Variants in SPPL2B observed in about 807,000 individuals in gnomAD.
SPPL2B encodes the protein signal peptide peptidase like 2B.
Under a neutral mutation model 59.7 loss-of-function variants are expected in SPPL2B, and 39 were observed. The observed-to-expected ratio is 0.65, with a 90% CI of 0.51 to 0.85. The LOEUF (loss-of-function observed/expected upper bound fraction) is 0.85, where lower values mean the gene tolerates loss of function less well. SPPL2B is among the 40% of genes least tolerant of loss of function. The probability of loss-of-function intolerance (pLI) is 0.00; values close to 1 mark genes in which losing one functional copy is unlikely to be tolerated. For missense variants in SPPL2B, 865 were observed against 849.0 expected, an observed-to-expected ratio of 1.02 and a Z score of -0.23; for synonymous variants, 419 against 370.8, an observed-to-expected ratio of 1.13 and a Z score of -1.49.
At position 2,336,145 on chromosome 19, in the gene SPPL2B, CCTG is replaced by C. The variant is rs566060784; in HGVS notation, c.187-1297_187-1295del. Among the ~76,000 whole-genome samples, 430 of 152,110 alleles carry C rather than the reference CCTG, an allele frequency of 2.8e-3. 1 individual carries two copies. The highest frequency in any genetic ancestry group is 4.4e-3 in the South Asian group (21 of 4,824). On this transcript the variant is annotated intron_variant, in intron 2 of 14. Coordinates refer to ENST00000613503, the MANE Select transcript of SPPL2B (RefSeq NM_152988.3). ...TAGTGCGTGTTTGTGTGTCAGCACA[CCTG>C]TGTGTGTGAGCATGTGTGTAATAGG...
intron 1 of SPPL2B, among the ~76,000 whole-genome samples, chr19:2,333,480 G>A (rs1220119834): frequency 6.6e-6 from 1 of 152,198 alleles, no homozygotes; most frequent in Non-Finnish European, 1.5e-5. Flanking sequence ...TGTGGAATCC[G>A]TCTTTCCTCA....
chr19:2,350,493 G>C (rs1050179548), intron 13 of SPPL2B, among the ~76,000 whole-genome samples: 2 of 151,300 alleles, frequency 1.3e-5, no homozygotes, highest in African/African-American at 4.9e-5. Context: ...TCATTCGCTT[G>C]ATTCCATTCT....
At chr19:2,329,086 C>T (rs1968146103) in intron 1 of SPPL2B, among the ~76,000 whole-genome samples, 1 of 152,252 alleles carries the variant, frequency 6.6e-6, no homozygotes, top group South Asian at 2.1e-4. Flanking sequence ...CTCCAGTTGC[C>T]GCCGGGGACG....
intron 6 of SPPL2B, 41 bp downstream of exon 6, chr19:2,340,007 A>C (rs1425772662): frequency 2.6e-6 from 4 of 1,553,934 alleles, no homozygotes; most frequent in Admixed American, 2.0e-5. Flanking sequence ...GTGGAGATGC[A>C]GCCCGCCCCG....
At chr19:2,331,799 C>T (rs775870480) in intron 1 of SPPL2B, among the ~76,000 whole-genome samples, 2 of 152,198 alleles carry the variant, frequency 1.3e-5, no homozygotes, top group Non-Finnish European at 2.9e-5. Context: ...CTGTGGCCCA[C>T]GTGGCCTCTG....
In SPPL2B at chr19:2,328,684, G is replaced by A. The variant is rs1484047036; in HGVS notation, c.-26G>A. Reference sequence around the variant, plus strand: ...GGGGCGTTGCTGGGAAACATCTGCCGTTGGTTGCGGCGGGCACCGGCCGAC... The same window carrying A: ...GGGGCGTTGCTGGGAAACATCTGCCATTGGTTGCGGCGGGCACCGGCCGAC... On this transcript the variant is annotated 5_prime_UTR_variant, in exon 1 of 15. Coordinates refer to ENST00000613503, the MANE Select transcript of SPPL2B (RefSeq NM_152988.3). The A allele has an allele frequency of 2.1e-6, 3 of 1,449,228 alleles. No individual in the cohort carries two copies. Among genetic ancestry groups the A allele is most frequent in the Non-Finnish European group, 1.8e-6 (2 of 1,109,856 alleles). The allele number at this position is 1,449,228 out of a possible 1,614,324, so 89.8% of individuals were successfully genotyped here.
chr19:2,352,419 A>G (rs1470723593), intron 14 of SPPL2B, among the ~76,000 whole-genome samples: 1 of 152,126 alleles, frequency 6.6e-6, no homozygotes, highest in African/African-American at 2.4e-5. Context: ...CTGGCCGCGC[A>G]TGGGGTCCTA....
chr19:2,334,179 G>A (rs754743156), intron 1 of SPPL2B, among the ~76,000 whole-genome samples: 3 of 152,304 alleles, frequency 2.0e-5, no homozygotes, highest in South Asian at 2.1e-4. Context: ...CAGGCCTCCC[G>A]CCCAGGCTGG....
At position 2,351,558 on chromosome 19, in the gene SPPL2B, G is replaced by A; in HGVS notation, c.1479G>A (p.Arg493=). Residue 493 remains arginine, a synonymous_variant, in exon 14 of 15, where the codon CGG becomes CGA. Coordinates refer to ENST00000613503, the MANE Select transcript of SPPL2B (RefSeq NM_152988.3). ...VTSCAVALWR[R]ELGVFWTGSG... Reference sequence around the variant, plus strand: ...GCTGCGCTGTGGCGCTCTGGCGCCGGGAGCTGGGCGTGTTCTGGACGGGCA... The same window carrying A: ...GCTGCGCTGTGGCGCTCTGGCGCCGAGAGCTGGGCGTGTTCTGGACGGGCA... 1 of 1,611,380 alleles carries A rather than the reference G, an allele frequency of 6.2e-7. No individual in the cohort carries two copies.
chr19:2,348,607 C>G (rs1401706222), intron 13 of SPPL2B, among the ~76,000 whole-genome samples: 3 of 145,540 alleles, frequency 2.1e-5, no homozygotes, highest in South Asian at 2.3e-4. Context: ...TCGCCTGATT[C>G]CATTCTCTCT....
At chr19:2,343,357 GC>G in intron 9 of SPPL2B, 65 bp downstream of exon 9, 2 of 1,332,364 alleles carry the variant, frequency 1.5e-6, no homozygotes, top group Non-Finnish European at 2.1e-6. Flanking sequence ...TCCTAGCCTG[GC>G]CCGTGTGGGG....
chr19:2,330,294 T>TTTTA (rs1555747248), intron 1 of SPPL2B: 2 of 151,006 alleles, frequency 1.3e-5, no homozygotes, highest in Non-Finnish European at 3.0e-5. Flanking sequence ...TTTTTTTTTT[T>TTTTA]AGTAGAGACG....
chr19:2,336,534 C>T (rs75956604), intron 2 of SPPL2B, among the ~76,000 whole-genome samples: 10,535 of 150,980 alleles, frequency 0.07, 1,162 homozygotes, highest in African/African-American at 0.24. Flanking sequence ...GTTCATGTGG[C>T]GTGTGTGTAT....
intron 2 of SPPL2B, among the ~76,000 whole-genome samples, chr19:2,336,506 G>A (rs1325456309): frequency 2.0e-5 from 3 of 151,932 alleles, no homozygotes; most frequent in Non-Finnish European, 4.4e-5. Context: ...TAATAGGTAT[G>A]TGCGTGTGAG....
chr19:2,347,180 G>GCA (rs1969430111), intron 13 of SPPL2B, among the ~76,000 whole-genome samples: 1 of 97,456 alleles, frequency 1.0e-5, no homozygotes, highest in East Asian at 3.3e-4. Context: ...CCACACACAC[G>GCA]CGCTCTCATT....
chr19:2,342,721 GCCCCTGCCTACAGCCTGTGA>G (rs1480431735), intron 8 of SPPL2B: 2 of 168,126 alleles, frequency 1.2e-5, no homozygotes, highest in South Asian at 3.1e-4. Flanking sequence ...CCTCTGCCTG[GCCCCTGCCTACAGCCTGTGA>G]CCCCTGCCTA....
rs1568423904 is a variant in SPPL2B, at chr19:2,328,716, GC to G, written c.8del (p.Ala3GlufsTer102). The G allele has an allele frequency of 2.1e-6, 3 of 1,447,744 alleles. No homozygotes were observed. Among genetic ancestry groups the G allele is most frequent in the Non-Finnish European group, 2.7e-6 (3 of 1,109,408 alleles). 89.7% of individuals were successfully genotyped at this position (1,447,744 alleles called of 1,614,324 possible). A position where few individuals can be genotyped will look rare whatever the true frequency, so the allele number is the denominator to read the frequency against. On this transcript the variant is annotated frameshift_variant, in exon 1 of 15. Transcript: ENST00000613503. LOFTEE classifies it high-confidence loss of function. MA[A>X]AVAAALARLL... The stretch of plus-strand genomic sequence containing the variant: ...GCGGCGGGCACCGGCCGACATGGCG[GC>G]AGCGGTGGCGGCTGCGCTGGCGCGG...
intron 2 of SPPL2B, 51 bp from the exon 3 acceptor site, chr19:2,337,392 C>G: frequency 6.6e-7 from 1 of 1,511,026 alleles, no homozygotes; most frequent in Non-Finnish European, 9.0e-7. Flanking sequence ...CAGCTGGGCC[C>G]TCCTGGTGAC....
At chr19:2,347,096 A>T (rs1969414640) in intron 13 of SPPL2B, among the ~76,000 whole-genome samples, 1 of 151,448 alleles carries the variant, frequency 6.6e-6, no homozygotes. Context: ...TCATTTCTTC[A>T]CATTCGCTTG....
Sources: allele counts gnomAD v4.1 joint callset (sites outside exome capture counted in the v4.1 genomes callset), GRCh38; gene constraint gnomAD v4.1.1; transcripts MANE v1.5; gene names NCBI Gene and HGNC (gene_info 2026-07-23, HGNC 2026-07-21).